MAN1A1: variants seen among roughly 807,000 people sequenced by gnomAD.
MAN1A1 encodes mannosidase alpha class 1A member 1.
Under a neutral mutation model 70.8 loss-of-function variants are expected in MAN1A1, and 29 were observed. The ratio of observed to expected loss-of-function variants is 0.41; its 90% CI spans 0.31 to 0.56. The LOEUF (loss-of-function observed/expected upper bound fraction) is 0.56, where lower values mean the gene tolerates loss of function less well. Ranked by LOEUF, MAN1A1 falls within the 20% of genes least tolerant of loss-of-function variation. The pLI, the probability that MAN1A1 is intolerant of heterozygous loss-of-function variation, is 0.29. For missense variants in MAN1A1, 747 were observed against 841.3 expected, an observed-to-expected ratio of 0.89 and a Z score of 1.39; for synonymous variants, 349 against 330.1, an observed-to-expected ratio of 1.06 and a Z score of -0.62.
rs559562721 is a variant in MAN1A1, at chr6:119,189,542, T to A, written c.1546+122A>T. Reference sequence around the variant, plus strand: ...ATAAAATATACATTCCTTTGAGACATTAATCACGATCATCAAGCTTCATAG... The same window carrying A: ...ATAAAATATACATTCCTTTGAGACAATAATCACGATCATCAAGCTTCATAG... On this transcript the variant is annotated intron_variant, in intron 10 of 12. Transcript: ENST00000368468. 6.4e-5 allele frequency: 53 copies of A among 830,946 alleles called. No homozygotes were observed. The African/African-American group carries it at 8.3e-4, about 13-fold the overall frequency. The allele number at this position is 830,946 out of a possible 1,614,324, so 51.5% of individuals were successfully genotyped here. A position where few individuals can be genotyped will look rare whatever the true frequency, so the allele number is the denominator to read the frequency against.
At chr6:119,335,412 G>A (rs1188056436) in intron 2 of MAN1A1, among the ~76,000 whole-genome samples, 1 of 152,164 alleles carries the variant, frequency 6.6e-6, no homozygotes, top group Non-Finnish European at 1.5e-5. Flanking sequence ...TGGAAAGGGA[G>A]GACAGAAGTG....
At chr6:119,257,734 AC>A (rs1376642286) in intron 5 of MAN1A1, among the ~76,000 whole-genome samples, 2 of 152,034 alleles carry the variant, frequency 1.3e-5, no homozygotes, top group Non-Finnish European at 2.9e-5. Flanking sequence ...CAATGGCTAT[AC>A]AGCTCTAGTG....
rs974758271 is a variant in MAN1A1, at chr6:119,179,191, T to C, written c.*628A>G. ...CTAATATAATTAACCAACAAAAATA[T>C]ACTGCAGTTCCGATGAAATGAGGTC... On this transcript the variant is annotated 3_prime_UTR_variant, in exon 13 of 13. Transcript: ENST00000368468. 6.6e-6 allele frequency: 1 copy of C among 152,544 alleles called. No homozygotes were observed. The allele number at this position is 152,544 out of a possible 1,614,324, so 9.4% of individuals were successfully genotyped here. A position where few individuals can be genotyped will look rare whatever the true frequency, so the allele number is the denominator to read the frequency against.
chr6:119,288,506 C>A (rs1285191639), intron 5 of MAN1A1, among the ~76,000 whole-genome samples: 1 of 151,762 alleles, frequency 6.6e-6, no homozygotes, highest in African/African-American at 2.4e-5. Context: ...CAAGAACAGA[C>A]CTGGGGTAAA....
At chr6:119,223,833 T>G (rs548449107) in intron 6 of MAN1A1, among the ~76,000 whole-genome samples, 64 of 152,150 alleles carry the variant, frequency 4.2e-4, no homozygotes, top group South Asian at 8.3e-4. Context: ...TAATAGCAAT[T>G]ATAAAATCTG....
chr6:119,182,125 T>G (rs561602484), intron 11 of MAN1A1, among the ~76,000 whole-genome samples: 2 of 152,352 alleles, frequency 1.3e-5, no homozygotes, highest in African/African-American at 4.8e-5. Flanking sequence ...ATTTCCCTGA[T>G]GATTTGTGAT....
chr6:119,301,641 G>A (rs752397937), intron 4 of MAN1A1, among the ~76,000 whole-genome samples: 26 of 152,168 alleles, frequency 1.7e-4, no homozygotes, highest in South Asian at 4.1e-4. Context: ...AACCAGCTGT[G>A]CAATCTGGAG....
intron 2 of MAN1A1, among the ~76,000 whole-genome samples, chr6:119,325,540 C>T (rs761009633): frequency 6.6e-6 from 1 of 151,992 alleles, no homozygotes; most frequent in African/African-American, 2.4e-5. Context: ...ACCTGTAATC[C>T]CAGCTACTCA....
intron 2 of MAN1A1, among the ~76,000 whole-genome samples, chr6:119,328,413 A>T (rs1389637002): frequency 6.6e-6 from 1 of 152,362 alleles, no homozygotes; most frequent in East Asian, 1.9e-4. Context: ...GCTCAAATGC[A>T]CTGTATATCT....
chr6:119,192,503 G>A (rs1011725282), intron 9 of MAN1A1, among the ~76,000 whole-genome samples: 4 of 152,100 alleles, frequency 2.6e-5, no homozygotes, highest in African/African-American at 9.7e-5. Context: ...AACAAAGCAA[G>A]CTGCATTTAT....
intron 2 of MAN1A1, among the ~76,000 whole-genome samples, chr6:119,313,470 G>A (rs1435249320): frequency 6.6e-6 from 1 of 152,148 alleles, no homozygotes; most frequent in Non-Finnish European, 1.5e-5. Flanking sequence ...TTCAAATGCT[G>A]AAATAAATGT....
At chr6:119,197,534 C>T (rs927321485) in intron 8 of MAN1A1, among the ~76,000 whole-genome samples, 34 of 152,164 alleles carry the variant, frequency 2.2e-4, no homozygotes, top group African/African-American at 7.0e-4. Context: ...GCACTCAAAG[C>T]GCTGGGGCAG....
In MAN1A1 at chr6:119,236,185, T is replaced by C. The variant is rs1358024482; in HGVS notation, c.992+12075A>G. On this transcript the variant is annotated intron_variant, in intron 6 of 12. Transcript: ENST00000368468. Reference sequence around the variant, plus strand: ...CTAAATCTGTTCTGCCTGTGCTCTATAAATGGAAGACAAAAGCCTGGATGA... The same window carrying C: ...CTAAATCTGTTCTGCCTGTGCTCTACAAATGGAAGACAAAAGCCTGGATGA... 5.3e-5 allele frequency among the ~76,000 whole-genome samples: 8 copies of C among 150,218 alleles called. No individual in the cohort carries two copies. The East Asian group carries it at 1.6e-3, about 29-fold the overall frequency.
chr6:119,198,581 T>G (rs1481930559), intron 8 of MAN1A1, among the ~76,000 whole-genome samples: 1 of 152,248 alleles, frequency 6.6e-6, no homozygotes, highest in Non-Finnish European at 1.5e-5. Context: ...TTACCTCGTT[T>G]AAAATAATAA....
intron 6 of MAN1A1, among the ~76,000 whole-genome samples, chr6:119,240,826 G>A (rs970558504): frequency 1.3e-5 from 2 of 152,180 alleles, no homozygotes; most frequent in African/African-American, 4.8e-5. Flanking sequence ...CCTTAGTTTG[G>A]TCAAGGTATT....
chr6:119,287,094 G>A lies in MAN1A1; in HGVS notation c.897+3589C>T, dbSNP rs140408555. Among the ~76,000 whole-genome samples, 924 of 152,184 alleles carry A rather than the reference G, an allele frequency of 6.1e-3. 6 individuals carry two copies. The highest frequency in any genetic ancestry group is 0.021 in the African/African-American group (874 of 41,532). On this transcript the variant is annotated intron_variant, in intron 5 of 12. Coordinates refer to ENST00000368468, the MANE Select transcript of MAN1A1 (RefSeq NM_005907.4). ...ATTCTCCAAGATCCCCAAAGAGGCT[G>A]CATGTAACTGAAACTCTGACAATTA...
At chr6:119,183,983 G>T (rs1243945537) in intron 11 of MAN1A1, among the ~76,000 whole-genome samples, 1 of 150,848 alleles carries the variant, frequency 6.6e-6, no homozygotes, top group Non-Finnish European at 1.5e-5. Flanking sequence ...CTTTGCTTTT[G>T]AAGTTTTTGG....
At chr6:119,349,928 C>CG (rs564384090), upstream of MAN1A1, among the ~76,000 whole-genome samples, 1,922 of 151,954 alleles carry the variant, frequency 0.013, 30 homozygotes, top group African/African-American at 0.037. Flanking sequence ...GCAGCCTCGG[C>CG]GGGGCCCGGC....
rs537952348 is a variant in MAN1A1 at position 119,326,570 on chromosome 6, T to C, written c.604-19578A>G. 6.6e-5 allele frequency among the ~76,000 whole-genome samples: 10 copies of C among 152,308 alleles called. No individual in the cohort carries two copies. The East Asian group carries it at 7.7e-4, about 12-fold the overall frequency. On this transcript the variant is annotated intron_variant, in intron 2 of 12. Transcript: ENST00000368468. The stretch of plus-strand genomic sequence containing the variant: ...CTATTAGTCTGTTTTCACACTGTTA[T>C]AAACAACTTCTGGAGACTAGGTAAT...
Sources: gnomAD v4.1 joint callset for allele counts (sites outside exome capture counted in the v4.1 genomes callset) on GRCh38, gnomAD v4.1.1 for gene constraint, MANE v1.5 for transcripts, NCBI Gene and HGNC (gene_info 2026-07-23, HGNC 2026-07-21) for gene names.